The following ASXL2 variants were observed in gnomAD, a reference collection of about 807,000 sequenced individuals.
The protein encoded by ASXL2 is ASXL transcriptional regulator 2, also known as putative Polycomb group protein ASXL2.
Under a neutral mutation model 122.0 loss-of-function variants are expected in ASXL2, and 23 were observed. The ratio of observed to expected loss-of-function variants is 0.19; its 90% CI spans 0.14 to 0.27. The LOEUF (loss-of-function observed/expected upper bound fraction) is 0.27, where lower values mean the gene tolerates loss of function less well. Ranked by LOEUF, ASXL2 falls within the 10% of genes least tolerant of loss-of-function variation. ASXL2 has a pLI of 1.00. For synonymous variants in ASXL2, 650 were observed against 637.0 expected (o/e 1.02, Z -0.31); for missense variants, 1,518 against 1,713.8 (o/e 0.89, Z 2.02).
At chr2:25,766,593 T>C (rs1032846021) in intron 8 of ASXL2, among the ~76,000 whole-genome samples, 1 of 152,198 alleles carries the variant, frequency 6.6e-6, no homozygotes, top group African/African-American at 2.4e-5. Context: ...TCAATGTCTT[T>C]AGGTACCAAT....
intron 1 of ASXL2, among the ~76,000 whole-genome samples, chr2:25,866,634 T>G (rs946392303): frequency 6.6e-6 from 1 of 152,246 alleles, no homozygotes; most frequent in African/African-American, 2.4e-5. Context: ...ACATCTGTTC[T>G]CAAGGTATGA....
chr2:25,821,815 T>G (rs7557327), intron 3 of ASXL2, among the ~76,000 whole-genome samples: 14 of 152,260 alleles, frequency 9.2e-5, no homozygotes, highest in Non-Finnish European at 2.1e-4. Flanking sequence ...GGGCAACTTA[T>G]GTCTCTCTGC....
At chr2:25,837,743 G>C (rs2089528465) in intron 2 of ASXL2, among the ~76,000 whole-genome samples, 1 of 151,504 alleles carries the variant, frequency 6.6e-6, no homozygotes, top group Non-Finnish European at 1.5e-5. Context: ...CCAGCTACTA[G>C]GGAGGCTGAG....
At chr2:25,814,077 T>C (rs979136533) in intron 3 of ASXL2, among the ~76,000 whole-genome samples, 10 of 151,938 alleles carry the variant, frequency 6.6e-5, no homozygotes, top group Non-Finnish European at 4.4e-5. Flanking sequence ...AAAAAAAGAA[T>C]AACTACAAAC....
chr2:25,851,041 A>G (rs905042116), intron 1 of ASXL2, among the ~76,000 whole-genome samples: 1 of 151,828 alleles, frequency 6.6e-6, no homozygotes, highest in African/African-American at 2.4e-5. Flanking sequence ...CCGAAGGCTG[A>G]GGCAGGAGGC....
chr2:25,809,999 A>C (rs2089143029), intron 3 of ASXL2: 7 of 536,834 alleles, frequency 1.3e-5, no homozygotes, highest in South Asian at 9.7e-5. Context: ...GTACATTTTC[A>C]GTTTATCTTC....
At chr2:25,774,385 T>C (rs1199365820) in intron 5 of ASXL2, among the ~76,000 whole-genome samples, 3 of 152,208 alleles carry the variant, frequency 2.0e-5, no homozygotes, top group Non-Finnish European at 4.4e-5. Context: ...CTTTTTGTGA[T>C]CCCAGCCGGT....
In ASXL2 at chr2:25,846,976, A is replaced by G. The variant is rs76142338; in HGVS notation, c.58-1413T>C. ...AAGTAGCTATTATAACTATGCTTCA[A>G]GATGTCTGGTGAATATTCTTGAAAC... On this transcript the variant is annotated intron_variant, in intron 1 of 12. Coordinates refer to ENST00000435504, the MANE Select transcript of ASXL2 (RefSeq NM_018263.6). 2.4e-3 allele frequency among the ~76,000 whole-genome samples: 364 copies of G among 152,384 alleles called. 2 individuals are homozygous for G. Among genetic ancestry groups the G allele is most frequent in the African/African-American group, 8.3e-3 (347 of 41,590 alleles).
intron 5 of ASXL2, among the ~76,000 whole-genome samples, chr2:25,787,714 A>G (rs1283136813): frequency 6.6e-6 from 1 of 152,264 alleles, no homozygotes; most frequent in East Asian, 1.9e-4. Flanking sequence ...CCTGTAAGAC[A>G]GAAAAATCCA....
chr2:25,769,610 C>T (rs2088411709), intron 6 of ASXL2, among the ~76,000 whole-genome samples: 1 of 151,070 alleles, frequency 6.6e-6, no homozygotes, highest in South Asian at 2.1e-4. Flanking sequence ...CAAGAAATAC[C>T]CAAATTTTAA....
intron 3 of ASXL2, among the ~76,000 whole-genome samples, chr2:25,824,605 A>G (rs2089353963): frequency 6.6e-6 from 1 of 152,200 alleles, no homozygotes; most frequent in Non-Finnish European, 1.5e-5. Context: ...AGAATCGAAC[A>G]AAATCAGAAA....
intron 1 of ASXL2, among the ~76,000 whole-genome samples, chr2:25,875,387 G>C (rs958950002): frequency 6.6e-6 from 1 of 152,122 alleles, no homozygotes; most frequent in African/African-American, 2.4e-5. Context: ...ATGATCACTT[G>C]AGACCAGAAG....
intron 4 of ASXL2, among the ~76,000 whole-genome samples, chr2:25,803,133 A>AAATGAATGAATGAATG (rs70950123): frequency 2.0e-4 from 30 of 148,740 alleles, no homozygotes; most frequent in Non-Finnish European, 3.9e-4. Context: ...CTCCATCTCA[A>AAATGAATGAATGAATG]AATGAATGAA....
chr2:25,832,571 CA>C (rs371192944), intron 3 of ASXL2, among the ~76,000 whole-genome samples: 361 of 140,406 alleles, frequency 2.6e-3, no homozygotes, highest in Middle Eastern at 3.6e-3. Flanking sequence ...CAGCATGGGC[CA>C]AAAAAAAAAA....
At chr2:25,785,135 T>C (rs1304567991) in intron 5 of ASXL2, among the ~76,000 whole-genome samples, 2 of 152,228 alleles carry the variant, frequency 1.3e-5, no homozygotes, top group Non-Finnish European at 2.9e-5. Flanking sequence ...ATATTTATGA[T>C]GAATTTAATT....
chr2:25,862,180 T>G (rs1042972141), intron 1 of ASXL2, among the ~76,000 whole-genome samples: 1 of 152,174 alleles, frequency 6.6e-6, no homozygotes, highest in African/African-American at 2.4e-5. Context: ...TCACAAACAC[T>G]AAAGTGAAGT....
Position 25,750,394 on chromosome 2 carries a change from C to T in ASXL2, c.1162G>A (p.Asp388Asn), listed in dbSNP as rs2149141116. ...YGQSSGLSLE[D>N]SKKLTASPSD... ...GGAGAAGCTGTCAATTTCTTAGAAT[C>T]TTCAAGGCTCAGGCCAGAACTAAAA... The change falls in exon 12 of 13, where the codon GAT (aspartate) becomes AAT (asparagine). Residue 388 changes from aspartate to asparagine, a missense_variant. Transcript: ENST00000435504. The T allele has an allele frequency of 6.2e-7, 1 of 1,606,036 alleles. No homozygotes were observed. Among genetic ancestry groups the T allele is most frequent in the East Asian group, 2.2e-5 (1 of 44,854 alleles).
At chr2:25,817,309 T>G (rs182448952) in intron 3 of ASXL2, among the ~76,000 whole-genome samples, 6 of 152,306 alleles carry the variant, frequency 3.9e-5, no homozygotes, top group African/African-American at 1.2e-4. Flanking sequence ...CGTAAATGTT[T>G]TCTACTTTTT....
chr2:25,811,233 A>G (rs191533607), intron 3 of ASXL2, among the ~76,000 whole-genome samples: 1 of 152,222 alleles, frequency 6.6e-6, no homozygotes, highest in East Asian at 1.9e-4. Flanking sequence ...AGCCTGGGCA[A>G]CAGAGTGAGA....
Sources: allele counts gnomAD v4.1 joint callset (sites outside exome capture counted in the v4.1 genomes callset), GRCh38; gene constraint gnomAD v4.1.1; transcripts MANE v1.5; gene names NCBI Gene and HGNC (gene_info 2026-07-23, HGNC 2026-07-21).